Variants in AP3M1 observed in about 807,000 individuals in gnomAD.
AP3M1 encodes the protein adaptor related protein complex 3 subunit mu 1, also known as AP-3 complex subunit mu-1.
Under a neutral mutation model 42.6 loss-of-function variants are expected in AP3M1, and 29 were observed. The ratio of observed to expected loss-of-function variants is 0.68; its 90% CI spans 0.51 to 0.93. The LOEUF (loss-of-function observed/expected upper bound fraction) is 0.93, where lower values mean the gene tolerates loss of function less well. Ranked by LOEUF, AP3M1 falls within the 40% of genes least tolerant of loss-of-function variation. AP3M1 has a pLI of 0.00. For missense variants in AP3M1, 416 were observed against 510.2 expected (o/e 0.82, Z 1.78); for synonymous variants, 178 against 175.3 (o/e 1.02, Z -0.12).
At chr10:74,138,024 C>T (rs1840998775) in intron 2 of AP3M1, 83 bp downstream of exon 2, 1 of 1,399,644 alleles carries the variant, frequency 7.1e-7, no homozygotes, top group African/African-American at 1.5e-5. Context: ...ACATCAAAAC[C>T]TGGGTAATTA....
chr10:74,140,988 C>T (rs1304435902), intron 1 of AP3M1, among the ~76,000 whole-genome samples: 5 of 152,042 alleles, frequency 3.3e-5, no homozygotes, highest in South Asian at 2.1e-4. Flanking sequence ...ACCAAAAGTA[C>T]AGACAAGAAA....
rs900091676 is a variant in AP3M1 at position 74,141,924 on chromosome 10, T to C, written c.-3-3542A>G. ...TTTTAATAGAGACGAGGTTTCACTA[T>C]GTTGGCCAGGCTGGTCTTGAACTCC... On this transcript the variant is annotated intron_variant, in intron 1 of 8. Transcript: ENST00000355264. Among the ~76,000 whole-genome samples the C allele has an allele frequency of 4.6e-5, 7 of 151,316 alleles. 1 individual carries two copies. In the South Asian group the frequency reaches 8.4e-4, roughly 18 times the overall value.
chr10:74,138,500 C>T, intron 1 of AP3M1, 118 bp from the exon 2 acceptor site: 5 of 777,940 alleles, frequency 6.4e-6, no homozygotes, highest in Non-Finnish European at 9.5e-6. Context: ...GCTGGTTCAA[C>T]ATACAAAAAT....
intron 4 of AP3M1, among the ~76,000 whole-genome samples, chr10:74,131,798 T>G (rs1189508848): frequency 6.6e-6 from 1 of 152,056 alleles, no homozygotes; most frequent in East Asian, 1.9e-4. Context: ...TGCCTAAGCC[T>G]CCCAAAGTGC....
intron 1 of AP3M1, among the ~76,000 whole-genome samples, chr10:74,145,285 C>T (rs191640178): frequency 2.0e-5 from 3 of 152,194 alleles, no homozygotes; most frequent in South Asian, 2.1e-4. Context: ...AAGTTTCCAC[C>T]GAAGTTGTTT....
rs1190766090 is a variant in AP3M1 at position 74,120,347 on chromosome 10, C to T, written c.*3463G>A. 6.6e-6 allele frequency: 1 copy of T among 152,162 alleles called. No homozygotes were observed. The highest frequency in any genetic ancestry group is 1.5e-5 in the Non-Finnish European group (1 of 68,028). 9.4% of individuals were successfully genotyped at this position (152,162 alleles called of 1,614,324 possible). ...TTACTTAACAAGGATGTGTGTAATA[C>T]AAGACAACCCTGGGGATTACACACT... On this transcript the variant is annotated 3_prime_UTR_variant, in exon 9 of 9. Coordinates refer to ENST00000355264, the MANE Select transcript of AP3M1 (RefSeq NM_012095.6).
intron 3 of AP3M1, among the ~76,000 whole-genome samples, chr10:74,134,510 TA>T (rs1840884472): frequency 6.6e-6 from 1 of 152,258 alleles, no homozygotes; most frequent in African/African-American, 2.4e-5. Context: ...CTTCTGCCAA[TA>T]AAATGTCTCC....
intron 1 of AP3M1, among the ~76,000 whole-genome samples, chr10:74,149,900 A>C (rs944070799): frequency 2.6e-5 from 4 of 152,164 alleles, no homozygotes; most frequent in African/African-American, 9.7e-5. Flanking sequence ...GTCTTTCCTC[A>C]GTTACTATTA....
chr10:74,135,801 A>G (rs1353502973), intron 3 of AP3M1, among the ~76,000 whole-genome samples: 1 of 152,174 alleles, frequency 6.6e-6, no homozygotes, highest in East Asian at 1.9e-4. Context: ...CAGACACACC[A>G]TCTTATCTTT....
chr10:74,127,114 A>G (rs1385559569), intron 6 of AP3M1, among the ~76,000 whole-genome samples: 5 of 152,112 alleles, frequency 3.3e-5, no homozygotes, highest in Admixed American at 6.6e-5. Flanking sequence ...GATTTAAAGT[A>G]TACAGGAGGA....
rs1487487524 is a variant in AP3M1, at chr10:74,134,144, T to C, written c.466A>G (p.Thr156Ala). 3 of 1,614,080 alleles carry C rather than the reference T, an allele frequency of 1.9e-6. No homozygotes were observed. Among genetic ancestry groups the C allele is most frequent in the Non-Finnish European group, 2.5e-6 (3 of 1,179,980 alleles). The change falls in exon 4 of 9, where the codon ACA becomes GCA. Residue 156 changes from threonine (T) to alanine (A), a missense_variant. Coordinates refer to ENST00000355264, the MANE Select transcript of AP3M1 (RefSeq NM_012095.6). ...TTGGACAGCTGCCCGGTGGGGAGTGTGTCCCCAACATTACTACTGCCTAGA... is the reference window on the plus strand; with the variant it reads ...TTGGACAGCTGCCCGGTGGGGAGTGCGTCCCCAACATTACTACTGCCTAGA... ...SITGSSNVGD[T>A]LPTGQLSNIP...
chr10:74,149,685 C>T (rs150917894), intron 1 of AP3M1, among the ~76,000 whole-genome samples: 1 of 152,262 alleles, frequency 6.6e-6, no homozygotes, highest in Non-Finnish European at 1.5e-5. Context: ...CCAAATTAAT[C>T]CTTTCACTTG....
intron 1 of AP3M1, among the ~76,000 whole-genome samples, chr10:74,142,727 C>G (rs1372460074): frequency 6.6e-6 from 1 of 152,064 alleles, no homozygotes; most frequent in Non-Finnish European, 1.5e-5. Flanking sequence ...TGCTTTGTGT[C>G]TTATATTTCT....
intron 4 of AP3M1, 53 bp downstream of exon 4, chr10:74,133,974 T>A: frequency 6.2e-7 from 1 of 1,601,872 alleles, no homozygotes; most frequent in Non-Finnish European, 8.5e-7. Flanking sequence ...TTTCTATTCA[T>A]CTGTGTCAGA....
chr10:74,127,227 C>T lies in AP3M1; in HGVS notation c.804-872G>A, dbSNP rs191551542. Among the ~76,000 whole-genome samples the T allele has an allele frequency of 2.0e-3, 302 of 151,684 alleles. 1 individual carries two copies. Among genetic ancestry groups the T allele is most frequent in the South Asian group, 4.4e-3 (21 of 4,790 alleles). ...TCCAAGGATACCAAGATGGCAGTAC[C>T]TCTAGAACTGCAGATTCAGTATCTA... On this transcript the variant is annotated intron_variant, in intron 6 of 8. Coordinates refer to ENST00000355264, the MANE Select transcript of AP3M1 (RefSeq NM_012095.6).
In AP3M1 at chr10:74,141,714, CT is replaced by C. The variant is rs920907444; in HGVS notation, c.-3-3333del. 1.7e-3 allele frequency among the ~76,000 whole-genome samples: 230 copies of C among 133,370 alleles called. 1 individual carries two copies. The highest frequency in any genetic ancestry group is 3.8e-3 in the Middle Eastern group (1 of 264). The allele number at this position is 133,370 out of a possible 152,430, so 87.5% of individuals were successfully genotyped here. A position where few individuals can be genotyped will look rare whatever the true frequency, so the allele number is the denominator to read the frequency against. On this transcript the variant is annotated intron_variant, in intron 1 of 8. Transcript: ENST00000355264. ...AATGTTTTATTTCTTTTTTATTTTC[CT>C]TTTTTTTTTTTTTTTGAGATGGAGT...
chr10:74,144,669 T>TC (rs982074098), intron 1 of AP3M1, among the ~76,000 whole-genome samples: 3 of 152,018 alleles, frequency 2.0e-5, no homozygotes, highest in South Asian at 2.1e-4. Flanking sequence ...CTTATGATTT[T>TC]TTTTTTTTTT....
intron 1 of AP3M1, among the ~76,000 whole-genome samples, chr10:74,149,161 C>G (rs1457135529): frequency 6.6e-6 from 1 of 151,210 alleles, no homozygotes; most frequent in African/African-American, 2.4e-5. Context: ...ATGAGCCCTA[C>G]CGTGCCTGGC....
chr10:74,149,019 C>T (rs1258359408), intron 1 of AP3M1, among the ~76,000 whole-genome samples: 3 of 151,084 alleles, frequency 2.0e-5, no homozygotes, highest in Admixed American at 6.6e-5. Context: ...ACTACAGGCA[C>T]GTGCCACCAC....
Sources: gnomAD v4.1 joint callset for allele counts (sites outside exome capture counted in the v4.1 genomes callset) on GRCh38, gnomAD v4.1.1 for gene constraint, MANE v1.5 for transcripts, NCBI Gene and HGNC (gene_info 2026-07-23, HGNC 2026-07-21) for gene names.